The following HHAT variants were observed in gnomAD, a reference collection of about 807,000 sequenced individuals.
HHAT encodes the protein hedgehog acyltransferase, also known as protein-cysteine N-palmitoyltransferase HHAT.
In HHAT, 47 loss-of-function variants were observed where a neutral mutation model predicts 70.8. That is an observed-to-expected ratio of 0.66 (90% confidence interval 0.53 to 0.85). HHAT has a LOEUF of 0.85. Ranked by LOEUF, HHAT falls within the 40% of genes least tolerant of loss-of-function variation. The pLI is 0.00. For missense variants in HHAT, 609 were observed against 604.8 expected, an observed-to-expected ratio of 1.01 and a Z score of -0.07; for synonymous variants, 228 against 247.6, an observed-to-expected ratio of 0.92 and a Z score of 0.74.
chr1:210,335,019 A>G (rs1159000943), intron 1 of HHAT, among the ~76,000 whole-genome samples: 5 of 152,314 alleles, frequency 3.3e-5, no homozygotes, highest in Admixed American at 6.5e-5. Context: ...TAAGAAAATT[A>G]AAGAGGAACC....
At chr1:210,600,546 T>C (rs1664026710) in intron 10 of HHAT, among the ~76,000 whole-genome samples, 1 of 152,162 alleles carries the variant, frequency 6.6e-6, no homozygotes, top group Non-Finnish European at 1.5e-5. Context: ...GGTAGCCTGC[T>C]GCTTTATGAG....
chr1:210,618,003 A>G (rs1402087431), intron 10 of HHAT, among the ~76,000 whole-genome samples: 1 of 152,210 alleles, frequency 6.6e-6, no homozygotes, highest in Non-Finnish European at 1.5e-5. Context: ...TTGAGCACAC[A>G]TAGGATATGC....
At chr1:210,523,848 G>C (rs1185926404) in intron 9 of HHAT, among the ~76,000 whole-genome samples, 2 of 152,150 alleles carry the variant, frequency 1.3e-5, no homozygotes, top group Admixed American at 1.3e-4. Context: ...TACTATTCTA[G>C]GTGCCAGGAT....
intron 6 of HHAT, 66 bp from the exon 7 acceptor site, chr1:210,418,088 T>A (rs2092777629): frequency 3.4e-6 from 5 of 1,492,514 alleles, no homozygotes; most frequent in Non-Finnish European, 4.6e-6. Flanking sequence ...TTATGAAAAA[T>A]CTTATCTAAG....
chr1:210,420,361 T>C (rs1323529634), intron 7 of HHAT, among the ~76,000 whole-genome samples: 1 of 152,216 alleles, frequency 6.6e-6, no homozygotes, highest in African/African-American at 2.4e-5. Context: ...TTCCAGTGTA[T>C]CCATATACAA....
intron 8 of HHAT, among the ~76,000 whole-genome samples, chr1:210,478,482 G>C (rs949331648): frequency 6.8e-6 from 1 of 146,492 alleles, no homozygotes; most frequent in Non-Finnish European, 1.5e-5. Context: ...TGGCTATTGG[G>C]ATGGTGAAAT....
intron 3 of HHAT, among the ~76,000 whole-genome samples, chr1:210,368,257 A>G (rs1322865799): frequency 6.6e-6 from 1 of 152,158 alleles, no homozygotes; most frequent in Non-Finnish European, 1.5e-5. Context: ...GGATGGGCTT[A>G]AGTTCAAATT....
At chr1:210,367,138 G>A (rs61828658) in intron 3 of HHAT, among the ~76,000 whole-genome samples, 13,069 of 152,270 alleles carry the variant, frequency 0.086, 733 homozygotes, top group Non-Finnish European at 0.12. Flanking sequence ...AGTAAACAGG[G>A]TGATAGGATA....
At chr1:210,624,157 A>G (rs183458629) in intron 11 of HHAT, among the ~76,000 whole-genome samples, 11 of 152,124 alleles carry the variant, frequency 7.2e-5, no homozygotes, top group Non-Finnish European at 1.5e-4. Flanking sequence ...GGGACTGGTG[A>G]CTTTACAAGA....
chr1:210,558,163 C>T (rs1263630812), intron 9 of HHAT, among the ~76,000 whole-genome samples: 1 of 152,170 alleles, frequency 6.6e-6, no homozygotes, highest in Non-Finnish European at 1.5e-5. Context: ...TTTCCCATAA[C>T]ACCTAACACA....
chr1:210,338,252 A>G (rs1211220149), intron 1 of HHAT, among the ~76,000 whole-genome samples: 43 of 152,042 alleles, frequency 2.8e-4, no homozygotes, highest in Admixed American at 2.8e-3. Context: ...AGATGGAAGG[A>G]TTGCTTGAGC....
chr1:210,604,428 GT>G (rs1259315281), intron 10 of HHAT, among the ~76,000 whole-genome samples: 1 of 151,988 alleles, frequency 6.6e-6, no homozygotes, highest in Non-Finnish European at 1.5e-5. Context: ...TGACATATTA[GT>G]TTTAAATGAT....
intron 1 of HHAT, among the ~76,000 whole-genome samples, chr1:210,344,467 T>C (rs2086327236): frequency 1.3e-5 from 2 of 152,236 alleles, no homozygotes; most frequent in South Asian, 4.1e-4. Flanking sequence ...ATGGTCCCAG[T>C]GTGTGAATGT....
At chr1:210,446,979 G>A (rs572942244) in intron 7 of HHAT, among the ~76,000 whole-genome samples, 78 of 152,270 alleles carry the variant, frequency 5.1e-4, no homozygotes, top group Non-Finnish European at 8.8e-4. Flanking sequence ...ACAATAGATA[G>A]CTAATAATTG....
chr1:210,336,130 G>GT (rs112638463), intron 1 of HHAT, among the ~76,000 whole-genome samples: 47,349 of 151,488 alleles, frequency 0.31, 9,148 homozygotes, highest in African/African-American at 0.55. Context: ...GCATTCTTTT[G>GT]TTTTTTGGAG....
chr1:210,529,569 T>C lies in HHAT; in HGVS notation c.1043+16381T>C, dbSNP rs2095291603. Among the ~76,000 whole-genome samples the C allele has an allele frequency of 2.6e-5, 4 of 152,200 alleles. 1 individual carries two copies. The South Asian group carries it at 8.3e-4, about 31-fold the overall frequency. ...CAAAGTACAAGTCAAAAAGTCACTC[T>C]CTGGGCCTCCCTTGCAGCTACTACC... On this transcript the variant is annotated intron_variant, in intron 9 of 11. Coordinates refer to ENST00000261458, the MANE Select transcript of HHAT (RefSeq NM_018194.6).
chr1:210,674,463 C>T lies in HHAT; in HGVS notation c.*84C>T. 1.9e-6 allele frequency: 2 copies of T among 1,053,094 alleles called. No homozygotes were observed. The highest frequency in any genetic ancestry group is 2.0e-4 in the Middle Eastern group (1 of 4,946). 65.2% of individuals were successfully genotyped at this position (1,053,094 alleles called of 1,614,324 possible). On this transcript the variant is annotated 3_prime_UTR_variant, in exon 12 of 12. Coordinates refer to ENST00000261458, the MANE Select transcript of HHAT (RefSeq NM_018194.6). ...CTGACCTCTCACTCCAGGACAGCCT[C>T]TAAGGGATTTGATCTGCTCATCTTC...
chr1:210,557,534 G>A lies in HHAT; in HGVS notation c.1044-30364G>A, dbSNP rs568740401. On this transcript the variant is annotated intron_variant, in intron 9 of 11. Coordinates refer to ENST00000261458, the MANE Select transcript of HHAT (RefSeq NM_018194.6). Reference sequence around the variant, plus strand: ...CACACTGCTGATAAAACATGCCCAAGACTGGGAATAAAAAGAGGTGTAATT... The same window carrying A: ...CACACTGCTGATAAAACATGCCCAAAACTGGGAATAAAAAGAGGTGTAATT... 1.2e-4 allele frequency among the ~76,000 whole-genome samples: 18 copies of A among 152,280 alleles called. No homozygotes were observed. In the South Asian group the frequency reaches 3.3e-3, roughly 28 times the overall value.
chr1:210,464,653 G>T lies in HHAT; in HGVS notation c.1005G>T (p.Trp335Cys). 6.2e-7 allele frequency: 1 copy of T among 1,614,118 alleles called. No homozygotes were observed. Among genetic ancestry groups the T allele is most frequent in the Non-Finnish European group, 8.5e-7 (1 of 1,179,996 alleles). The change falls in exon 8 of 12, where the codon TGG (tryptophan) becomes TGT (cysteine). Residue 335 changes from tryptophan (W) to cysteine (C), a missense_variant and splice_region_variant. By Grantham distance (215) the Trp-to-Cys change is radical. Transcript: ENST00000261458. ...VSTMFSFTGM[W>C]RYFDVGLHNF... ...CCATGTTCAGTTTCACCGGGATGTG[G>T]AGGTCAGGCGCTGGGATTGCTAAAG...
Sources: gnomAD v4.1 joint callset for allele counts (sites outside exome capture counted in the v4.1 genomes callset) on GRCh38, gnomAD v4.1.1 for gene constraint, MANE v1.5 for transcripts, NCBI Gene and HGNC (gene_info 2026-07-23, HGNC 2026-07-21) for gene names.